ENOPH1: variants seen among roughly 807,000 people sequenced by gnomAD.
The protein encoded by ENOPH1 is enolase-phosphatase E1.
In ENOPH1, 14 loss-of-function variants were observed where a neutral mutation model predicts 31.1. The observed-to-expected ratio is 0.45, with a 90% CI of 0.30 to 0.70. The LOEUF is 0.70. Among genes scored for constraint, ENOPH1 ranks in the 30% least tolerant of loss-of-function variants. The pLI, the probability that ENOPH1 is intolerant of heterozygous loss-of-function variation, is 0.09. For missense variants in ENOPH1, 243 were observed against 321.5 expected, an observed-to-expected ratio of 0.76 and a Z score of 1.87; for synonymous variants, 127 against 123.2, an observed-to-expected ratio of 1.03 and a Z score of -0.21.
At chr4:82,431,788 A>G (rs746057330) in intron 1 of ENOPH1, among the ~76,000 whole-genome samples, 5 of 152,248 alleles carry the variant, frequency 3.3e-5, no homozygotes, top group Non-Finnish European at 7.3e-5. Flanking sequence ...TTGCATGCAC[A>G]ATAATAGTCG....
intron 1 of ENOPH1, among the ~76,000 whole-genome samples, chr4:82,444,271 C>T (rs1397498976): frequency 4.0e-5 from 6 of 151,322 alleles, no homozygotes; most frequent in Non-Finnish European, 8.8e-5. Context: ...ACCTAGGCTG[C>T]AGTGCAGTGG....
intron 3 of ENOPH1, among the ~76,000 whole-genome samples, chr4:82,453,228 T>C (rs2110046221): frequency 6.6e-6 from 1 of 152,322 alleles, no homozygotes; most frequent in South Asian, 2.1e-4. Flanking sequence ...TTTTAGGCCA[T>C]TGCCTGCTGT....
At chr4:82,449,014 C>T (rs926229923) in intron 2 of ENOPH1, among the ~76,000 whole-genome samples, 10 of 148,780 alleles carry the variant, frequency 6.7e-5, no homozygotes, top group African/African-American at 2.5e-4. Flanking sequence ...GCCGAGATCC[C>T]GCCACTGCAC....
intron 1 of ENOPH1, among the ~76,000 whole-genome samples, chr4:82,431,793 T>C (rs1366340690): frequency 6.6e-6 from 1 of 152,202 alleles, no homozygotes; most frequent in East Asian, 1.9e-4. Flanking sequence ...TGCACAATAA[T>C]AGTCGAGATA....
rs970771319 is a variant in ENOPH1, at chr4:82,430,934, G to A, written c.84+21G>A. 22 of 1,604,184 alleles carry A rather than the reference G, an allele frequency of 1.4e-5. No homozygotes were observed. In the Middle Eastern group the frequency reaches 9.9e-4, roughly 72 times the overall value. Reference sequence around the variant, plus strand: ...TGAAGGTGAGGGGCGGAAGGGAGCGGGGATGTTACTTTTCCTTAAAAACAG... The same window carrying A: ...TGAAGGTGAGGGGCGGAAGGGAGCGAGGATGTTACTTTTCCTTAAAAACAG... On this transcript the variant is annotated intron_variant, in intron 1 of 5. Coordinates refer to ENST00000273920, the MANE Select transcript of ENOPH1 (RefSeq NM_021204.5).
At chr4:82,445,235 G>GAA (rs70964771) in intron 1 of ENOPH1, among the ~76,000 whole-genome samples, 1 of 148,034 alleles carries the variant, frequency 6.8e-6, no homozygotes, top group East Asian at 2.0e-4. Flanking sequence ...TCTCAAAAAA[G>GAA]AAAAAAAAAA....
chr4:82,430,938 T>G, intron 1 of ENOPH1, 25 bp downstream of exon 1: 1 of 1,601,648 alleles, frequency 6.2e-7, no homozygotes, highest in Non-Finnish European at 8.6e-7. Flanking sequence ...GGAGCGGGGA[T>G]GTTACTTTTC....
At position 82,460,284 on chromosome 4, in the gene ENOPH1, T is replaced by A; in HGVS notation, c.*164T>A. The A allele has an allele frequency of 1.7e-6, 1 of 599,228 alleles. No homozygotes were observed. Among genetic ancestry groups the A allele is most frequent in the Non-Finnish European group, 2.8e-6 (1 of 362,196 alleles). The allele number at this position is 599,228 out of a possible 1,614,324, so 37.1% of individuals were successfully genotyped here. Reference sequence around the variant, plus strand: ...AGATTAACTTCCATAGGTACATAAGTGAAAGAAGTCTCAGTTCAGTGAACA... The same window carrying A: ...AGATTAACTTCCATAGGTACATAAGAGAAAGAAGTCTCAGTTCAGTGAACA... On this transcript the variant is annotated 3_prime_UTR_variant, in exon 6 of 6. Coordinates refer to ENST00000273920, the MANE Select transcript of ENOPH1 (RefSeq NM_021204.5).
At chr4:82,443,680 A>G (rs751569089) in intron 1 of ENOPH1, among the ~76,000 whole-genome samples, 3 of 145,164 alleles carry the variant, frequency 2.1e-5, no homozygotes, top group Non-Finnish European at 4.6e-5. Context: ...GTGAGCTGAG[A>G]TTGTGCCACT....
intron 5 of ENOPH1, among the ~76,000 whole-genome samples, chr4:82,457,696 G>A (rs950861476): frequency 7.2e-5 from 11 of 152,210 alleles, no homozygotes; most frequent in Admixed American, 6.5e-4. Flanking sequence ...GCATGCAAGC[G>A]GGGTTGTGAG....
In ENOPH1 at chr4:82,451,089, C is replaced by T. The variant is rs1307182702; in HGVS notation, c.233C>T (p.Ala78Val). ...GATGGGGCTGTTCCTATCCCTGCAG[C>T]ATCTGGGAATGGAGTGGATGATCTG... Reference protein sequence around the residue: ...HLDGAVPIPAASGNGVDDLQQ... With the variant: ...HLDGAVPIPAVSGNGVDDLQQ... Residue 78 changes from alanine to valine, a missense_variant, in exon 3 of 6, where the codon GCA (alanine) becomes GTA (valine). Coordinates refer to ENST00000273920, the MANE Select transcript of ENOPH1 (RefSeq NM_021204.5). 4 of 1,614,194 alleles carry T rather than the reference C, an allele frequency of 2.5e-6. No homozygotes were observed. The highest frequency in any genetic ancestry group is 3.4e-6 in the Non-Finnish European group (4 of 1,180,032).
At chr4:82,443,924 G>A (rs1722108388) in intron 1 of ENOPH1, among the ~76,000 whole-genome samples, 1 of 151,916 alleles carries the variant, frequency 6.6e-6, no homozygotes, top group African/African-American at 2.4e-5. Flanking sequence ...AGTACAGGCT[G>A]GAGTACAGTG....
At chr4:82,450,942 A>T (rs1722330227) in intron 2 of ENOPH1, 101 bp from the exon 3 acceptor site, 2 of 862,542 alleles carry the variant, frequency 2.3e-6, no homozygotes, top group Non-Finnish European at 3.7e-6. Context: ...TACTAGGGCT[A>T]ATGATGGAGA....
intron 3 of ENOPH1, among the ~76,000 whole-genome samples, chr4:82,452,414 TTC>T (rs1722373646): frequency 6.6e-6 from 1 of 152,114 alleles, no homozygotes; most frequent in Non-Finnish European, 1.5e-5. Flanking sequence ...GTTCAAGCGA[TTC>T]TCCTGCCTCA....
intron 1 of ENOPH1, among the ~76,000 whole-genome samples, chr4:82,438,141 A>G (rs568147703): frequency 2.0e-5 from 3 of 152,334 alleles, no homozygotes; most frequent in Admixed American, 6.5e-5. Context: ...GACTAGAGGA[A>G]AGGTTTTTCT....
chr4:82,434,862 G>T (rs906037456), intron 1 of ENOPH1, among the ~76,000 whole-genome samples: 2 of 151,906 alleles, frequency 1.3e-5, no homozygotes, highest in Non-Finnish European at 2.9e-5. Context: ...AGCCGAGATC[G>T]TGCCAGTGCA....
intron 3 of ENOPH1, among the ~76,000 whole-genome samples, chr4:82,453,464 T>C (rs1228854772): frequency 2.6e-5 from 4 of 152,180 alleles, no homozygotes; most frequent in Non-Finnish European, 4.4e-5. Context: ...AGTTAGCCCA[T>C]ACTTCTCTTG....
intron 2 of ENOPH1, among the ~76,000 whole-genome samples, chr4:82,449,210 A>G (rs1048293419): frequency 2.6e-5 from 4 of 152,298 alleles, no homozygotes; most frequent in Admixed American, 1.3e-4. Flanking sequence ...ACTGCACTCT[A>G]GCCTGGGCTA....
chr4:82,460,702 A>G lies in ENOPH1; in HGVS notation c.*582A>G, dbSNP rs1240101445. On this transcript the variant is annotated 3_prime_UTR_variant, in exon 6 of 6. Coordinates refer to ENST00000273920, the MANE Select transcript of ENOPH1 (RefSeq NM_021204.5). Reference sequence around the variant, plus strand: ...TCAAACAAGTGTCTTTTACTTAAGAAGAAACTTGGTAATCATTGTGGCACC... The same window carrying G: ...TCAAACAAGTGTCTTTTACTTAAGAGGAAACTTGGTAATCATTGTGGCACC... 2.0e-5 allele frequency: 3 copies of G among 152,286 alleles called. No homozygotes were observed. Among genetic ancestry groups the G allele is most frequent in the African/African-American group, 7.2e-5 (3 of 41,462 alleles). The allele number at this position is 152,286 out of a possible 1,614,324, so 9.4% of individuals were successfully genotyped here. A position where few individuals can be genotyped will look rare whatever the true frequency, so the allele number is the denominator to read the frequency against.
Sources: allele counts gnomAD v4.1 joint callset (sites outside exome capture counted in the v4.1 genomes callset), GRCh38; gene constraint gnomAD v4.1.1; transcripts MANE v1.5; gene names NCBI Gene and HGNC (gene_info 2026-07-23, HGNC 2026-07-21).